Variants in ZNF385C observed in about 807,000 individuals in gnomAD.
ZNF385C encodes the protein zinc finger protein 385C, also known as CTD-2132N18.2.
In ZNF385C, 28 loss-of-function variants were observed where a neutral mutation model predicts 35.4. The observed-to-expected ratio is 0.79, with a 90% CI of 0.59 to 1.08. The LOEUF (loss-of-function observed/expected upper bound fraction) is 1.08, where lower values mean the gene tolerates loss of function less well. Among genes scored for constraint, ZNF385C ranks in the 50% least tolerant of loss-of-function variants. The pLI is 0.00. For synonymous variants in ZNF385C, 248 were observed against 248.2 expected (o/e 1.00, Z 0.01); for missense variants, 605 against 595.6 (o/e 1.02, Z -0.16).
intron 2 of ZNF385C, chr17:42,039,992 T>C: frequency 1.6e-6 from 2 of 1,230,882 alleles, no homozygotes; most frequent in African/African-American, 3.1e-5. Flanking sequence ...GCCAGCTGGG[T>C]GCACAGGGCC....
In ZNF385C at chr17:42,059,003, C is replaced by T. The variant is rs550795332; in HGVS notation, c.250+3804G>A. On this transcript the variant is annotated intron_variant, in intron 2 of 8. Coordinates refer to ENST00000692273, the MANE Select transcript of ZNF385C (RefSeq NM_001392013.1). ...TGGGGGCCGCCCTCCACCCCCAGCT[C>T]TCAGATAACTGAGGAGACAGGAGAA... Among the ~76,000 whole-genome samples, 7 of 152,310 alleles carry T rather than the reference C, an allele frequency of 4.6e-5. No homozygotes were observed. In the East Asian group the frequency reaches 1.4e-3, roughly 29 times the overall value.
intron 1 of ZNF385C, among the ~76,000 whole-genome samples, chr17:42,067,063 C>T (rs1240675028): frequency 1.3e-5 from 2 of 149,466 alleles, no homozygotes; most frequent in African/African-American, 5.0e-5. Context: ...AGCAAGACTC[C>T]GTCTCAGAAA....
rs1436637982 is a variant in ZNF385C at position 42,079,199 on chromosome 17, AAAAAATATATATATATATAC to A, written c.-2-16161_-2-16142del. 6.8e-3 allele frequency among the ~76,000 whole-genome samples: 902 copies of A among 132,492 alleles called. 7 individuals are homozygous for A. The highest frequency in any genetic ancestry group is 0.02 in the African/African-American group (655 of 33,370). 86.9% of individuals were successfully genotyped at this position (132,492 alleles called of 152,430 possible). A position where few individuals can be genotyped will look rare whatever the true frequency, so the allele number is the denominator to read the frequency against. ...AAACCCTGTCTCGCAAAAAAAAAAA[AAAAAATATATATATATATAC>A]ATATATATATATATACACACATATA... On this transcript the variant is annotated intron_variant, in intron 1 of 8. Coordinates refer to ENST00000692273, the MANE Select transcript of ZNF385C (RefSeq NM_001392013.1).
intron 2 of ZNF385C, among the ~76,000 whole-genome samples, chr17:42,046,459 G>T (rs1271789472): frequency 1.3e-5 from 2 of 151,904 alleles, no homozygotes; most frequent in Non-Finnish European, 2.9e-5. Context: ...AATTAGCTGG[G>T]CATGGTGGTG....
chr17:42,075,211 A>G (rs555693364), intron 1 of ZNF385C, among the ~76,000 whole-genome samples: 2 of 152,104 alleles, frequency 1.3e-5, no homozygotes, highest in Non-Finnish European at 2.9e-5. Context: ...GCCTTTGAAG[A>G]TGTGCCTCCC....
chr17:42,041,208 G>C, intron 2 of ZNF385C: 1 of 1,232,582 alleles, frequency 8.1e-7, no homozygotes, highest in East Asian at 3.2e-5. Context: ...GCCAGGGAAA[G>C]AAAGGGAGGG....
intron 1 of ZNF385C, among the ~76,000 whole-genome samples, chr17:42,096,088 C>G (rs2053914315): frequency 6.6e-6 from 1 of 152,126 alleles, no homozygotes; most frequent in Admixed American, 6.5e-5. Context: ...CCACTCGCAC[C>G]CTGGCCACCC....
chr17:42,028,708 A>G lies in ZNF385C; in HGVS notation c.967+75T>C. The G allele has an allele frequency of 1.1e-5, 16 of 1,481,924 alleles. 1 individual carries two copies. Among genetic ancestry groups the G allele is most frequent in the Non-Finnish European group, 1.4e-5 (16 of 1,108,214 alleles). 91.8% of individuals were successfully genotyped at this position (1,481,924 alleles called of 1,614,324 possible). On this transcript the variant is annotated intron_variant, in intron 6 of 8. Coordinates refer to ENST00000692273, the MANE Select transcript of ZNF385C (RefSeq NM_001392013.1). The stretch of plus-strand genomic sequence containing the variant: ...CCTTGAGCGAAGCACCCAGGAACTC[A>G]AGCCTGCCCTCATCTGGCGAGGCTT...
intron 1 of ZNF385C, among the ~76,000 whole-genome samples, chr17:42,083,707 CTTTTTTTTTT>C (rs59612634): frequency 2.4e-4 from 12 of 49,938 alleles, no homozygotes; most frequent in Admixed American, 1.1e-3. Flanking sequence ...CTTTTCAAGT[CTTTTTTTTTT>C]TTTTTTTTTT....
At chr17:42,054,417 TCA>T (rs553353896) in intron 2 of ZNF385C, among the ~76,000 whole-genome samples, 49 of 152,228 alleles carry the variant, frequency 3.2e-4, no homozygotes, top group Admixed American at 2.0e-3. Flanking sequence ...AAACTGAGCC[TCA>T]GAGAGGTGTT....
chr17:42,091,441 A>G (rs2053862802), intron 1 of ZNF385C, among the ~76,000 whole-genome samples: 1 of 152,130 alleles, frequency 6.6e-6, no homozygotes, highest in South Asian at 2.1e-4. Context: ...GCGAGACTTC[A>G]TCTCAAACAA....
chr17:42,064,506 A>C (rs1244793724), intron 1 of ZNF385C, among the ~76,000 whole-genome samples: 1 of 152,192 alleles, frequency 6.6e-6, no homozygotes, highest in Non-Finnish European at 1.5e-5. Context: ...TGGGGTCTTC[A>C]AAGAGGTAAT....
At chr17:42,071,974 GC>G (rs1211291385) in intron 1 of ZNF385C, among the ~76,000 whole-genome samples, 3 of 152,070 alleles carry the variant, frequency 2.0e-5, no homozygotes, top group Admixed American at 6.6e-5. Context: ...CTGGCCAGGG[GC>G]CCCCCCATGC....
At chr17:42,077,512 T>C (rs8077552) in intron 1 of ZNF385C, among the ~76,000 whole-genome samples, 15,858 of 152,206 alleles carry the variant, frequency 0.1, 1,240 homozygotes, top group African/African-American at 0.21. Flanking sequence ...TGTGCCCTTT[T>C]TCTTGCTCCT....
Position 42,028,151 on chromosome 17 carries a change from T to C in ZNF385C, c.1063A>G (p.Lys355Glu). Residue 355 changes from lysine (K) to glutamate (E), a missense_variant, in exon 7 of 9, where the codon AAG becomes GAG. Coordinates refer to ENST00000692273, the MANE Select transcript of ZNF385C (RefSeq NM_001392013.1). ...VSRGGAGHKA[K>E]RVTGGRGGRQ... ...CCGCCCCGGCCCCCTGTGACTCTCT[T>C]GGCTTTGTGTCCGGCACCTCCCCTG... 1 of 1,610,602 alleles carries C rather than the reference T, an allele frequency of 6.2e-7. No individual in the cohort carries two copies. The highest frequency in any genetic ancestry group is 8.5e-7 in the Non-Finnish European group (1 of 1,178,822).
chr17:42,040,146 C>A, intron 2 of ZNF385C: 4 of 1,231,482 alleles, frequency 3.2e-6, no homozygotes, highest in Non-Finnish European at 4.0e-6. Flanking sequence ...GCTCCTCCGG[C>A]GCCTGCGGGT....
At chr17:42,048,206 C>A (rs1217919667) in intron 2 of ZNF385C, among the ~76,000 whole-genome samples, 1 of 151,978 alleles carries the variant, frequency 6.6e-6, no homozygotes, top group Non-Finnish European at 1.5e-5. Context: ...GCCTCCCCGG[C>A]CTGTTCCTAG....
At chr17:42,085,325 A>G (rs1598205341) in intron 1 of ZNF385C, among the ~76,000 whole-genome samples, 2 of 151,944 alleles carry the variant, frequency 1.3e-5, no homozygotes, top group African/African-American at 4.8e-5. Context: ...CCCAGGCTGG[A>G]GTGCACAATG....
chr17:42,029,181 T>G lies in ZNF385C; in HGVS notation c.677-108A>C, dbSNP rs539577980. 4.7e-6 allele frequency: 6 copies of G among 1,290,274 alleles called. No individual in the cohort carries two copies. In the South Asian group the frequency reaches 7.6e-5, roughly 16 times the overall value. 79.9% of individuals were successfully genotyped at this position (1,290,274 alleles called of 1,614,324 possible). ...AGGGCCCCTGGTGGATGACCAGCAC[T>G]GAATTCCAGGCCCCACTTTTCTACC... is the stretch of plus-strand genomic sequence containing the variant. On this transcript the variant is annotated intron_variant, in intron 5 of 8. Coordinates refer to ENST00000692273, the MANE Select transcript of ZNF385C (RefSeq NM_001392013.1).
Sources: gnomAD v4.1 joint callset for allele counts (sites outside exome capture counted in the v4.1 genomes callset) on GRCh38, gnomAD v4.1.1 for gene constraint, MANE v1.5 for transcripts, NCBI Gene and HGNC (gene_info 2026-07-23, HGNC 2026-07-21) for gene names.